Variants in PTH2R observed in about 807,000 individuals in gnomAD.
PTH2R encodes PTH2 receptor.
PTH2R carries 59 observed loss-of-function variants against 60.3 expected under a neutral mutation model. The observed-to-expected ratio is 0.98, with a 90% CI of 0.79 to 1.22. The LOEUF is 1.22. Ranked by LOEUF, PTH2R falls within the 50% of genes most tolerant of loss-of-function variation. The pLI, the probability that PTH2R is intolerant of heterozygous loss-of-function variation, is 0.00. For synonymous variants in PTH2R, 256 were observed against 243.8 expected (o/e 1.05, Z -0.47); for missense variants, 749 against 682.6 (o/e 1.10, Z -1.08).
chr2:208,389,544 C>T (rs1341202048), intron 1 of PTH2R, among the ~76,000 whole-genome samples: 33 of 152,240 alleles, frequency 2.2e-4, no homozygotes. Context: ...AGTTAGCGCA[C>T]GTTAGTTTGC....
chr2:208,434,185 G>A (rs2105861627), intron 2 of PTH2R, among the ~76,000 whole-genome samples: 1 of 152,090 alleles, frequency 6.6e-6, no homozygotes, highest in East Asian at 1.9e-4. Flanking sequence ...GTGGTGGCGG[G>A]TGCCTGTAGT....
intron 2 of PTH2R, among the ~76,000 whole-genome samples, chr2:208,430,862 G>A (rs778694798): frequency 3.9e-5 from 6 of 152,018 alleles, no homozygotes; most frequent in Non-Finnish European, 7.4e-5. Flanking sequence ...AGCATGCCCG[G>A]CCTCTGTCTG....
intron 8 of PTH2R, among the ~76,000 whole-genome samples, chr2:208,451,743 TA>T (rs1459563919): frequency 5.3e-5 from 8 of 152,192 alleles, no homozygotes; most frequent in Admixed American, 3.3e-4. Flanking sequence ...TGTGAGTCAT[TA>T]AGTTCTTCCA....
At chr2:208,449,437 T>TA (rs1702355887) in intron 7 of PTH2R, among the ~76,000 whole-genome samples, 2 of 2,694 alleles carry the variant, frequency 7.4e-4, no homozygotes, top group East Asian at 0.067. Flanking sequence ...TGGAGAAATG[T>TA]GATAGATAGA....
In PTH2R at chr2:208,442,421, G is replaced by T. The variant is rs772460752; in HGVS notation, c.469G>T (p.Gly157Cys). ...TACCGTTGGCTACTCCATCTCTTTTGGTTCCTTGGCTGTGGCTATTCTCAT... is the reference window on the plus strand; with the variant it reads ...TACCGTTGGCTACTCCATCTCTTTTTGTTCCTTGGCTGTGGCTATTCTCAT... Reference protein sequence around the residue: ...MYTVGYSISFGSLAVAILIIG... With the variant: ...MYTVGYSISFCSLAVAILIIG... The change falls in exon 5 of 13, where the codon GGT becomes TGT. Residue 157 changes from glycine (G) to cysteine (C), a missense_variant. Transcript: ENST00000272847. 3.7e-6 allele frequency: 6 copies of T among 1,613,398 alleles called. No homozygotes were observed. Among genetic ancestry groups the T allele is most frequent in the Non-Finnish European group, 5.1e-6 (6 of 1,179,448 alleles).
At chr2:208,474,883 A>G (rs1702965587) in intron 9 of PTH2R, among the ~76,000 whole-genome samples, 1 of 152,192 alleles carries the variant, frequency 6.6e-6, no homozygotes, top group Non-Finnish European at 1.5e-5. Context: ...TGACATCTGT[A>G]TGAGAGACTG....
Position 208,437,859 on chromosome 2 carries a change from A to G in PTH2R, c.389A>G (p.Gln130Arg). ...TATTCAGACTGCCTTCGCTTTCTGCAGCCAGATATCAGCATAGGAAAGGTA... is the reference window on the plus strand; with the variant it reads ...TATTCAGACTGCCTTCGCTTTCTGCGGCCAGATATCAGCATAGGAAAGGTA... ...ANYSDCLRFL[Q>R]PDISIGKQEF... The change falls in exon 4 of 13, where the codon CAG becomes CGG. Residue 130 changes from glutamine (Q) to arginine (R), a missense_variant. Transcript: ENST00000272847. 6.2e-7 allele frequency: 1 copy of G among 1,613,780 alleles called. No individual in the cohort carries two copies. The highest frequency in any genetic ancestry group is 8.5e-7 in the Non-Finnish European group (1 of 1,179,700).
chr2:208,417,003 G>T (rs1382453273), intron 1 of PTH2R, among the ~76,000 whole-genome samples: 1 of 152,126 alleles, frequency 6.6e-6, no homozygotes, highest in African/African-American at 2.4e-5. Flanking sequence ...TCCCTCTAGA[G>T]ATCCTTGACT....
At chr2:208,384,465 G>A (rs1425479818) in intron 1 of PTH2R, among the ~76,000 whole-genome samples, 1 of 152,168 alleles carries the variant, frequency 6.6e-6, no homozygotes, top group Non-Finnish European at 1.5e-5. Flanking sequence ...ATCTTGGTAT[G>A]CAGGACTGGT....
intron 1 of PTH2R, among the ~76,000 whole-genome samples, chr2:208,427,210 G>GAA (rs147224102): frequency 5.6e-4 from 85 of 151,998 alleles, no homozygotes; most frequent in African/African-American, 2.0e-3. Context: ...CGGTTTAACT[G>GAA]AAAAAAACAG....
upstream of PTH2R, among the ~76,000 whole-genome samples, chr2:208,406,315 T>C (rs1701404578): frequency 6.6e-6 from 1 of 152,174 alleles, no homozygotes; most frequent in Non-Finnish European, 1.5e-5. Context: ...CAAAGAACTT[T>C]TGACCCACAA....
intron 9 of PTH2R, among the ~76,000 whole-genome samples, chr2:208,473,886 C>G (rs1702938729): frequency 6.6e-6 from 1 of 152,038 alleles, no homozygotes; most frequent in Non-Finnish European, 1.5e-5. Context: ...ACTGACAATA[C>G]CGGCACACAG....
chr2:208,453,238 T>G (rs886370134), intron 8 of PTH2R, among the ~76,000 whole-genome samples: 1 of 152,254 alleles, frequency 6.6e-6, no homozygotes, highest in African/African-American at 2.4e-5. Context: ...TGTTGACATA[T>G]AAGCTCATGC....
intron 7 of PTH2R, among the ~76,000 whole-genome samples, chr2:208,446,812 A>T (rs991960251): frequency 2.6e-5 from 4 of 152,234 alleles, no homozygotes; most frequent in Admixed American, 1.3e-4. Flanking sequence ...ATTTAAAAAC[A>T]TTATTTATAT....
At chr2:208,460,519 T>C (rs1702613512) in intron 9 of PTH2R, among the ~76,000 whole-genome samples, 1 of 152,138 alleles carries the variant, frequency 6.6e-6, no homozygotes, top group Non-Finnish European at 1.5e-5. Context: ...AAAACACAAT[T>C]ACTTTTTCAC....
intron 1 of PTH2R, among the ~76,000 whole-genome samples, chr2:208,397,829 C>G (rs551618135): frequency 1.3e-5 from 2 of 152,164 alleles, no homozygotes; most frequent in African/African-American, 4.8e-5. Flanking sequence ...CATGTGGGCA[C>G]AAGAAGATGG....
chr2:208,425,012 G>A (rs574836252), intron 1 of PTH2R, among the ~76,000 whole-genome samples: 23 of 152,226 alleles, frequency 1.5e-4, no homozygotes, highest in Non-Finnish European at 1.0e-4. Context: ...CTGGGAAACC[G>A]GGTGAGACCT....
At chr2:208,412,037 T>C (rs1321778257) in intron 1 of PTH2R, among the ~76,000 whole-genome samples, 2 of 152,238 alleles carry the variant, frequency 1.3e-5, no homozygotes, top group Non-Finnish European at 2.9e-5. Flanking sequence ...GGTGTGTATG[T>C]ATGTGAGAAT....
At chr2:208,465,314 T>C (rs1336888001) in intron 9 of PTH2R, among the ~76,000 whole-genome samples, 2 of 150,682 alleles carry the variant, frequency 1.3e-5, no homozygotes, top group African/African-American at 4.9e-5. Context: ...TGTTAGCTTG[T>C]GGTTTTGATT....
Sources: allele counts gnomAD v4.1 joint callset (sites outside exome capture counted in the v4.1 genomes callset), GRCh38; gene constraint gnomAD v4.1.1; transcripts MANE v1.5; gene names NCBI Gene and HGNC (gene_info 2026-07-23, HGNC 2026-07-21).